The following NFAT5 variants were observed in gnomAD, a reference collection of about 807,000 sequenced individuals.
NFAT5 encodes the protein nuclear factor of activated T-cells 5.
In NFAT5, 31 loss-of-function variants were observed where a neutral mutation model predicts 166.5. The ratio of observed to expected loss-of-function variants is 0.19; its 90% CI spans 0.14 to 0.25. The LOEUF (loss-of-function observed/expected upper bound fraction) is 0.25, where lower values mean the gene tolerates loss of function less well. Ranked by LOEUF, NFAT5 falls within the 10% of genes least tolerant of loss-of-function variation. NFAT5 has a pLI of 1.00. For missense variants in NFAT5, 1,449 were observed against 1,821.8 expected, an observed-to-expected ratio of 0.80 and a Z score of 3.72; for synonymous variants, 612 against 639.7, an observed-to-expected ratio of 0.96 and a Z score of 0.65.
intron 9 of NFAT5, among the ~76,000 whole-genome samples, chr16:69,673,536 A>ATCTCT (rs2036708978): frequency 7.2e-5 from 11 of 152,096 alleles, no homozygotes; most frequent in Non-Finnish European, 1.5e-4. Flanking sequence ...CAGCCTGGGC[A>ATCTCT]ACATAGTGAG....
rs750951612 is a variant in NFAT5, at chr16:69,693,626, A to ACAGCAG, written c.3813_3818dup (p.Gln1283_Gln1284dup). On this transcript the variant is annotated inframe_insertion, in exon 13 of 15. Coordinates refer to ENST00000349945, the MANE Select transcript of NFAT5 (RefSeq NM_138713.4). Reference sequence around the variant, plus strand: ...TGCAGAGTAACTCTCCATCCCAGGAACAGCAGCAGCAGCAGCAACAGCAGC... The same window carrying ACAGCAG: ...TGCAGAGTAACTCTCCATCCCAGGAACAGCAGCAGCAGCAGCAGCAGCAACAGCAGC... The ACAGCAG allele has an allele frequency of 2.5e-6, 4 of 1,613,900 alleles. No individual in the cohort carries two copies. The highest frequency in any genetic ancestry group is 3.3e-4 in the Middle Eastern group (2 of 6,084).
chr16:69,628,789 GA>G (rs1431588989), intron 3 of NFAT5, among the ~76,000 whole-genome samples: 1 of 152,026 alleles, frequency 6.6e-6, no homozygotes. Flanking sequence ...TAGCATTTTT[GA>G]AAAAATATGG....
At chr16:69,649,088 A>C (rs2035566724) in intron 4 of NFAT5, 2 of 869,454 alleles carry the variant, frequency 2.3e-6, no homozygotes, top group African/African-American at 3.6e-5. Context: ...TTGCCATTTA[A>C]TAAAATCAAG....
At position 69,568,666 on chromosome 16, in the gene NFAT5, A is replaced by G. The variant is rs896995976; in HGVS notation, c.127+118A>G. 9.9e-6 allele frequency: 7 copies of G among 703,826 alleles called. No homozygotes were observed. In the African/African-American group the frequency reaches 1.3e-4, roughly 13 times the overall value. 43.6% of individuals were successfully genotyped at this position (703,826 alleles called of 1,614,324 possible). ...ACTCACACAATGTAGTTTTCTCCTA[A>G]AGAGTCTGATCCTTCTTTTAGAGCA... On this transcript the variant is annotated intron_variant, in intron 2 of 14. Transcript: ENST00000349945.
chr16:69,624,872 T>C (rs2034376824), intron 2 of NFAT5, among the ~76,000 whole-genome samples: 1 of 151,456 alleles, frequency 6.6e-6, no homozygotes. Context: ...AAAATAAGTA[T>C]ACGCGATATG....
At position 69,703,772 on chromosome 16, in the gene NFAT5, T is replaced by C. The variant is rs1011467695; in HGVS notation, c.*7421T>C. The C allele has an allele frequency of 1.3e-5, 2 of 152,634 alleles. No homozygotes were observed. Among genetic ancestry groups the C allele is most frequent in the Admixed American group, 6.5e-5 (1 of 15,268 alleles). The allele number at this position is 152,634 out of a possible 1,614,324, so 9.5% of individuals were successfully genotyped here. A position where few individuals can be genotyped will look rare whatever the true frequency, so the allele number is the denominator to read the frequency against. ...TATTCCCTTTTTCTCTTCCTCACTT[T>C]ATTGCATAACATATTCCTGTACCCA... On this transcript the variant is annotated 3_prime_UTR_variant, in exon 15 of 15. Transcript: ENST00000349945.
At chr16:69,676,505 G>A (rs1252682374) in intron 9 of NFAT5, among the ~76,000 whole-genome samples, 3 of 152,030 alleles carry the variant, frequency 2.0e-5, no homozygotes, top group Non-Finnish European at 4.4e-5. Context: ...GCCCTTGGTG[G>A]GCATATTTTT....
intron 2 of NFAT5, among the ~76,000 whole-genome samples, chr16:69,618,453 A>C (rs2034057089): frequency 6.6e-6 from 1 of 152,232 alleles, no homozygotes; most frequent in Admixed American, 6.5e-5. Context: ...GTGGACCTGC[A>C]GCCAGTACAT....
At chr16:69,669,934 G>C in intron 7 of NFAT5, 43 bp from the exon 8 acceptor site, 2 of 1,507,660 alleles carry the variant, frequency 1.3e-6, no homozygotes, top group Non-Finnish European at 1.8e-6. Context: ...TAAGAAATAA[G>C]TTTTGGTGGT....
At chr16:69,592,725 T>C (rs2032546994) in intron 2 of NFAT5, among the ~76,000 whole-genome samples, 1 of 152,364 alleles carries the variant, frequency 6.6e-6, no homozygotes, top group African/African-American at 2.4e-5. Flanking sequence ...GCTAAAAATA[T>C]AAGAATGCTT....
rs141006681 is a variant in NFAT5 at position 69,679,037 on chromosome 16, G to A, written c.1690+1702G>A. Among the ~76,000 whole-genome samples the A allele has an allele frequency of 9.1e-3, 1,386 of 152,096 alleles. 19 individuals carry two copies. Among genetic ancestry groups the A allele is most frequent in the African/African-American group, 0.032 (1,325 of 41,500 alleles). On this transcript the variant is annotated intron_variant, in intron 10 of 14. Coordinates refer to ENST00000349945, the MANE Select transcript of NFAT5 (RefSeq NM_138713.4). ...CAACCTCTGCCTCCCAGGTTCAAGC[G>A]ATTTTCCTACCTCAGCCTCTCATGA...
At chr16:69,680,316 G>A (rs901144378) in intron 10 of NFAT5, among the ~76,000 whole-genome samples, 1 of 152,116 alleles carries the variant, frequency 6.6e-6, no homozygotes, top group Non-Finnish European at 1.5e-5. Context: ...TCAGGAAATA[G>A]CCTTAAAGGT....
chr16:69,582,970 A>C (rs1056837113), intron 2 of NFAT5, among the ~76,000 whole-genome samples: 4 of 151,796 alleles, frequency 2.6e-5, no homozygotes, highest in African/African-American at 9.6e-5. Context: ...TTACCATCTT[A>C]ATAATATTAA....
In NFAT5 at chr16:69,594,356, C is replaced by T. The variant is rs141310714; in HGVS notation, c.127+25808C>T. The stretch of plus-strand genomic sequence containing the variant: ...GTGTATCTGAACAGACGAGGTAACA[C>T]GTGGCATGACATCACTAGGAGATAG... On this transcript the variant is annotated intron_variant, in intron 2 of 14. Coordinates refer to ENST00000349945, the MANE Select transcript of NFAT5 (RefSeq NM_138713.4). Among the ~76,000 whole-genome samples, 553 of 152,244 alleles carry T rather than the reference C, an allele frequency of 3.6e-3. 1 individual carries two copies. Among genetic ancestry groups the T allele is most frequent in the South Asian group, 7.5e-3 (36 of 4,830 alleles).
chr16:69,671,856 C>T (rs1363055711), intron 9 of NFAT5, among the ~76,000 whole-genome samples: 1 of 152,182 alleles, frequency 6.6e-6, no homozygotes, highest in African/African-American at 2.4e-5. Flanking sequence ...GAAGCTCACC[C>T]AAGCCTTTGG....
At chr16:69,655,823 CAT>C in intron 6 of NFAT5, 24 bp downstream of exon 6, 1 of 1,583,638 alleles carries the variant, frequency 6.3e-7, no homozygotes, top group East Asian at 2.2e-5. Context: ...AAGAATTTTT[CAT>C]TATACATTAC....
chr16:69,616,594 T>TG (rs1253258677), intron 2 of NFAT5, among the ~76,000 whole-genome samples: 1 of 152,118 alleles, frequency 6.6e-6, no homozygotes, highest in Non-Finnish European at 1.5e-5. Context: ...CCTTCTTTCT[T>TG]GCGTGGATGC....
rs1255138096 is a variant in NFAT5 at position 69,699,239 on chromosome 16, A to T, written c.*2888A>T. On this transcript the variant is annotated 3_prime_UTR_variant, in exon 15 of 15. Coordinates refer to ENST00000349945, the MANE Select transcript of NFAT5 (RefSeq NM_138713.4). Reference sequence around the variant, plus strand: ...GAAGTGGCGACTGGCTTGTGTGCTGACTTCTGTGGTTTAGCAAGAGGTTTA... The same window carrying T: ...GAAGTGGCGACTGGCTTGTGTGCTGTCTTCTGTGGTTTAGCAAGAGGTTTA... 6.5e-6 allele frequency: 1 copy of T among 153,052 alleles called. No individual in the cohort carries two copies. Among genetic ancestry groups the T allele is most frequent in the Admixed American group, 6.5e-5 (1 of 15,274 alleles). 9.5% of individuals were successfully genotyped at this position (153,052 alleles called of 1,614,324 possible). A position where few individuals can be genotyped will look rare whatever the true frequency, so the allele number is the denominator to read the frequency against.
intron 6 of NFAT5, among the ~76,000 whole-genome samples, chr16:69,658,483 CAAA>C (rs34050479): frequency 5.2e-5 from 5 of 96,498 alleles, no homozygotes; most frequent in Non-Finnish European, 6.6e-5. Flanking sequence ...AACTCTGTCT[CAAA>C]AAAAAAAAAA....
Sources: gnomAD v4.1 joint callset for allele counts (sites outside exome capture counted in the v4.1 genomes callset) on GRCh38, gnomAD v4.1.1 for gene constraint, MANE v1.5 for transcripts, NCBI Gene and HGNC (gene_info 2026-07-23, HGNC 2026-07-21) for gene names.